The following CTNNA2 variants were observed in gnomAD, a reference collection of about 807,000 sequenced individuals.
CTNNA2 encodes the protein catenin alpha-2.
In CTNNA2, 42 loss-of-function variants were observed where a neutral mutation model predicts 101.0. That is an observed-to-expected ratio of 0.42 (90% CI 0.32 to 0.54). The LOEUF (loss-of-function observed/expected upper bound fraction) is 0.54. Ranked by LOEUF, CTNNA2 falls within the 20% of genes least tolerant of loss-of-function variation. The pLI is 0.14. For synonymous variants in CTNNA2, 450 were observed against 456.4 expected, an observed-to-expected ratio of 0.99 and a Z score of 0.18; for missense variants, 871 against 1,223.1, an observed-to-expected ratio of 0.71 and a Z score of 4.29.
chr2:79,812,736 G>T (rs1677149718), intron 3 of CTNNA2, among the ~76,000 whole-genome samples: 1 of 152,194 alleles, frequency 6.6e-6, no homozygotes, highest in East Asian at 1.9e-4. Flanking sequence ...TTGTCACCCA[G>T]ATTTCTCCTG....
intron 7 of CTNNA2, among the ~76,000 whole-genome samples, chr2:79,950,238 G>A (rs905030201): frequency 4.6e-5 from 7 of 151,564 alleles, no homozygotes; most frequent in African/African-American, 1.5e-4. Flanking sequence ...TATTCATTAC[G>A]AACAAAAAAC....
intron 7 of CTNNA2, among the ~76,000 whole-genome samples, chr2:79,957,838 C>G (rs1268377039): frequency 1.3e-5 from 2 of 152,250 alleles, no homozygotes; most frequent in East Asian, 3.9e-4. Context: ...CCAAACTAGC[C>G]ATTTCTTTTT....
chr2:80,076,399 C>T lies in CTNNA2; in HGVS notation c.1056+166602C>T, dbSNP rs541737405. Reference sequence around the variant, plus strand: ...GCTCAAGTGATCCTCCCTGCTCAGCCTCCCTAGTAGCTGGGACCACAGATA... The same window carrying T: ...GCTCAAGTGATCCTCCCTGCTCAGCTTCCCTAGTAGCTGGGACCACAGATA... On this transcript the variant is annotated intron_variant, in intron 7 of 18. Coordinates refer to ENST00000402739, the MANE Select transcript of CTNNA2 (RefSeq NM_001282597.3). Among the ~76,000 whole-genome samples, 203 of 152,086 alleles carry T rather than the reference C, an allele frequency of 1.3e-3. 3 individuals are homozygous for T. Among genetic ancestry groups the T allele is most frequent in the African/African-American group, 4.7e-3 (196 of 41,474 alleles).
intron 2 of CTNNA2, among the ~76,000 whole-genome samples, chr2:79,229,271 A>G (rs1180353221): frequency 6.6e-6 from 1 of 152,158 alleles, no homozygotes; most frequent in Admixed American, 6.5e-5. Flanking sequence ...CCCCACCCAG[A>G]TCTCAACTTG....
rs369721666 is a variant in CTNNA2, at chr2:79,486,890, G to A, written c.-134-18164G>A. On this transcript the variant is annotated intron_variant, in intron 4 of 21. Coordinates refer to the CTNNA2 transcript ENST00000466387. ...TATTGCTGGTATAATTTAAATAGGC[G>A]AAATATTTTTAAAGTCTGTTTTGTA... is the stretch of plus-strand genomic sequence containing the variant. Among the ~76,000 whole-genome samples the A allele has an allele frequency of 5.3e-4, 81 of 152,266 alleles. No individual in the cohort carries two copies. In the East Asian group the frequency reaches 8.7e-3, roughly 16 times the overall value.
At chr2:79,330,948 A>G (rs978867456) in intron 3 of CTNNA2, among the ~76,000 whole-genome samples, 4 of 152,192 alleles carry the variant, frequency 2.6e-5, no homozygotes, top group South Asian at 2.1e-4. Context: ...GGGCTCATTC[A>G]TCTGGAGGGG....
intron 17 of CTNNA2, among the ~76,000 whole-genome samples, chr2:80,608,937 T>G (rs113073091): frequency 3.0e-4 from 46 of 152,006 alleles, no homozygotes; most frequent in African/African-American, 1.1e-3. Context: ...CTGGTCCATT[T>G]TTATCAAATG....
At chr2:80,515,167 C>T (rs866719791) in intron 9 of CTNNA2, among the ~76,000 whole-genome samples, 5,625 of 144,058 alleles carry the variant, frequency 0.039, 126 homozygotes, top group African/African-American at 0.043. Flanking sequence ...TTTTTTTTTC[C>T]CCCTTGGAAA....
intron 7 of CTNNA2, among the ~76,000 whole-genome samples, chr2:80,206,300 C>A (rs149784506): frequency 1.3e-5 from 2 of 152,252 alleles, no homozygotes; most frequent in Non-Finnish European, 2.9e-5. Context: ...ATCATGTAGA[C>A]CCCAAGGAAT....
chr2:79,636,107 A>C (rs1373513182), intron 1 of CTNNA2, among the ~76,000 whole-genome samples: 8 of 51,852 alleles, frequency 1.5e-4, no homozygotes, highest in African/African-American at 5.6e-4. Context: ...TAAAAATACA[A>C]AAAAAAAAAA....
chr2:79,279,753 A>T (rs1388553794), intron 2 of CTNNA2, among the ~76,000 whole-genome samples: 1 of 152,072 alleles, frequency 6.6e-6, no homozygotes, highest in Non-Finnish European at 1.5e-5. Context: ...CTCATATGCA[A>T]TTCCTCTTCT....
intron 3 of CTNNA2, among the ~76,000 whole-genome samples, chr2:79,361,620 A>C (rs1250487556): frequency 6.6e-6 from 1 of 152,124 alleles, no homozygotes; most frequent in Non-Finnish European, 1.5e-5. Context: ...CTCTAGAGGG[A>C]TAGAACTAAT....
At chr2:79,820,422 A>G (rs531058901) in intron 3 of CTNNA2, among the ~76,000 whole-genome samples, 2 of 152,346 alleles carry the variant, frequency 1.3e-5, no homozygotes, top group South Asian at 2.1e-4. Context: ...CACTATGACA[A>G]TAGCAAGTAC....
At chr2:79,327,651 AAGGGACACT>A (rs1357597369) in intron 3 of CTNNA2, among the ~76,000 whole-genome samples, 75 of 152,278 alleles carry the variant, frequency 4.9e-4, no homozygotes, top group African/African-American at 1.6e-3. Flanking sequence ...ATAATGCTAA[AAGGGACACT>A]AGGTGGCATT....
At chr2:79,750,673 T>G (rs942747725) in intron 3 of CTNNA2, among the ~76,000 whole-genome samples, 6 of 151,968 alleles carry the variant, frequency 3.9e-5, no homozygotes, top group East Asian at 3.9e-4. Context: ...CCATCCTGGC[T>G]AACACAGTGA....
At chr2:79,837,525 C>A (rs1321301401) in intron 3 of CTNNA2, among the ~76,000 whole-genome samples, 2 of 152,142 alleles carry the variant, frequency 1.3e-5, no homozygotes, top group African/African-American at 4.8e-5. Flanking sequence ...TCACAGAACC[C>A]AACCCATTGA....
chr2:80,047,245 T>A (rs1696590330), intron 7 of CTNNA2, among the ~76,000 whole-genome samples: 1 of 152,188 alleles, frequency 6.6e-6, no homozygotes, highest in African/African-American at 2.4e-5. Context: ...TAAATTTAAA[T>A]CAATTAAAAC....
intron 3 of CTNNA2, among the ~76,000 whole-genome samples, chr2:79,808,452 A>G (rs752943835): frequency 5.9e-5 from 9 of 152,226 alleles, no homozygotes; most frequent in African/African-American, 9.6e-5. Flanking sequence ...AGCCTGTCAT[A>G]GCTTGAAGGC....
intron 7 of CTNNA2, among the ~76,000 whole-genome samples, chr2:80,041,987 C>G (rs1696094222): frequency 6.6e-6 from 1 of 152,122 alleles, no homozygotes; most frequent in Non-Finnish European, 1.5e-5. Flanking sequence ...TTTTTTGAAA[C>G]AGAGCCTTGC....
Sources: allele counts gnomAD v4.1 joint callset (sites outside exome capture counted in the v4.1 genomes callset), GRCh38; gene constraint gnomAD v4.1.1; transcripts MANE v1.5; gene names NCBI Gene and HGNC (gene_info 2026-07-23, HGNC 2026-07-21).